CDC42BPG: variants seen among roughly 807,000 people sequenced by gnomAD.
CDC42BPG encodes serine/threonine-protein kinase MRCK gamma.
In CDC42BPG, 157 loss-of-function variants were observed where a neutral mutation model predicts 192.2. That is an observed-to-expected ratio of 0.82 (90% confidence interval 0.72 to 0.93). The LOEUF (loss-of-function observed/expected upper bound fraction) is 0.93, where lower values mean the gene tolerates loss of function less well. CDC42BPG is among the 40% of genes least tolerant of loss of function. CDC42BPG has a pLI of 0.00. For synonymous variants in CDC42BPG, 981 were observed against 918.5 expected, an observed-to-expected ratio of 1.07 and a Z score of -1.23; for missense variants, 1,992 against 2,122.1, an observed-to-expected ratio of 0.94 and a Z score of 1.20.
chr11:64,835,483 C>G lies in CDC42BPG; in HGVS notation c.1880+17G>C. 1 of 1,606,742 alleles carries G rather than the reference C, an allele frequency of 6.2e-7. No individual in the cohort carries two copies. The highest frequency in any genetic ancestry group is 8.5e-7 in the Non-Finnish European group (1 of 1,177,802). ...GGCCAGGCCCGGCCCCTCCCTGCCACCAGCTGCCTGGCTCACCTGTGGCTG... is the reference window on the plus strand; with the variant it reads ...GGCCAGGCCCGGCCCCTCCCTGCCAGCAGCTGCCTGGCTCACCTGTGGCTG... On this transcript the variant is annotated intron_variant, in intron 15 of 36. Transcript: ENST00000342711.
In CDC42BPG at chr11:64,829,828, G is replaced by C; in HGVS notation, c.3610C>G (p.Leu1204Val). The C allele has an allele frequency of 6.2e-7, 1 of 1,605,640 alleles. No individual in the cohort carries two copies. Among genetic ancestry groups the C allele is most frequent in the South Asian group, 1.1e-5 (1 of 90,462 alleles). The change falls in exon 30 of 37, where the codon CTC becomes GTC. Residue 1204 changes from leucine to valine, a missense_variant. Coordinates refer to ENST00000342711, the MANE Select transcript of CDC42BPG (RefSeq NM_017525.3). ...GGGCCCGGGCCCAGCTGGTAGCAGA[G>C]CACCTGGCGCTTGACGGCTACACAG... Reference protein sequence around the residue: ...VLCVAVKRQVLCYQLGPGPGP... With the variant: ...VLCVAVKRQVVCYQLGPGPGP...
Position 64,835,608 on chromosome 11 carries a change from G to T in CDC42BPG, c.1772C>A (p.Ala591Asp), listed in dbSNP as rs746122199. The change falls in exon 15 of 37, where the codon GCC (alanine) becomes GAC (aspartate). Residue 591 changes from alanine (A) to aspartate (D), a missense_variant. Ala to Asp is a moderately radical substitution (Grantham distance 126). Transcript: ENST00000342711. The stretch of plus-strand genomic sequence containing the variant: ...GGGTCCCATCCCGTTGGTCTCAGAG[G>T]CTGTGTGGATGGTCTTGGGGACATG... The part of the protein sequence containing the change: ...ESSQAKTIHT[A>D]SETNGMGPPE... 7.6e-6 allele frequency: 12 copies of T among 1,569,576 alleles called. No homozygotes were observed. The highest frequency in any genetic ancestry group is 1.0e-5 in the Non-Finnish European group (12 of 1,159,740).
chr11:64,841,896 A>C lies in CDC42BPG; in HGVS notation c.169T>G (p.Phe57Val). The change falls in exon 2 of 37, where the codon TTC (phenylalanine) becomes GTC (valine). Residue 57 changes from phenylalanine to valine, a missense_variant. Phe to Val is a conservative substitution (Grantham distance 50). Coordinates refer to ENST00000342711, the MANE Select transcript of CDC42BPG (RefSeq NM_017525.3). ...VAQFLSWASP[F>V]VSKVKELRLQ... is the part of the protein sequence containing the mutation. ...CGCAGTTCTTTCACCTTTGATACGAAGGGGCTGGCTGAGGGGACACAGGGC... is the reference window on the plus strand; with the variant it reads ...CGCAGTTCTTTCACCTTTGATACGACGGGGCTGGCTGAGGGGACACAGGGC... 1.2e-6 allele frequency: 2 copies of C among 1,606,162 alleles called. No homozygotes were observed. Among genetic ancestry groups the C allele is most frequent in the Non-Finnish European group, 1.7e-6 (2 of 1,176,388 alleles).
Position 64,833,640 on chromosome 11 carries a change from G to C in CDC42BPG, c.2585C>G (p.Pro862Arg). Residue 862 changes from proline to arginine, a missense_variant, in exon 23 of 37, where the codon CCC becomes CGC. Physicochemically the swap from Pro to Arg is moderately radical, Grantham distance 103 (BLOSUM62 -2). Coordinates refer to ENST00000342711, the MANE Select transcript of CDC42BPG (RefSeq NM_017525.3). ...LRMGAVFPRA[P>R]TANTASTEGL... ...TTCTGTAGAGGCTGTGTTGGCAGTG[G>C]GTGCTCTGGGGAACACAGCCTGCAG... 6.2e-7 allele frequency: 1 copy of C among 1,612,200 alleles called. No homozygotes were observed. Among genetic ancestry groups the C allele is most frequent in the Non-Finnish European group, 8.5e-7 (1 of 1,179,502 alleles).
At position 64,827,782 on chromosome 11, in the gene CDC42BPG, C is replaced by T; in HGVS notation, c.3969G>A (p.Gly1323=). The T allele has an allele frequency of 1.2e-6, 2 of 1,604,342 alleles. No individual in the cohort carries two copies. Among genetic ancestry groups the T allele is most frequent in the East Asian group, 4.5e-5 (2 of 44,814 alleles). Reference sequence around the variant, plus strand: ...ACACTGTCAGGTAGGGGGCCGCATACCCTGCGGGCACGCCAGGCACCTCTG... The same window carrying T: ...ACACTGTCAGGTAGGGGGCCGCATATCCTGCGGGCACGCCAGGCACCTCTG... ...LLWPAAPMGW[G]YAAPYLTVFS... is the part of the protein sequence containing the mutation. The change falls in exon 31 of 37, where the codon GGG becomes GGA. Residue 1323 remains glycine, a splice_region_variant and synonymous_variant. Transcript: ENST00000342711.
chr11:64,834,980 T>C lies in CDC42BPG; in HGVS notation c.2061-17A>G, dbSNP rs1322055724. The C allele has an allele frequency of 6.2e-7, 1 of 1,613,532 alleles. No individual in the cohort carries two copies. Among genetic ancestry groups the C allele is most frequent in the Non-Finnish European group, 8.5e-7 (1 of 1,179,798 alleles). ...TCATTCACCCTGAATGGGAAGGGGC[T>C]CAGGGTCATGGGCTGGGCCCTCAGT... On this transcript the variant is annotated splice_polypyrimidine_tract_variant and intron_variant, in intron 17 of 36. Coordinates refer to ENST00000342711, the MANE Select transcript of CDC42BPG (RefSeq NM_017525.3).
intron 34 of CDC42BPG, 124 bp downstream of exon 34, chr11:64,826,926 G>A: frequency 2.6e-6 from 3 of 1,173,842 alleles, no homozygotes; most frequent in East Asian, 2.4e-5. Flanking sequence ...CCAGGTAGCA[G>A]AAGTGTGAGT....
At position 64,829,573 on chromosome 11, in the gene CDC42BPG, C is replaced by T. The variant is rs1246619943; in HGVS notation, c.3865G>A (p.Glu1289Lys). ...GCAGTGGTGAAGAGTAGCAGGAACT[C>T]GCTGAGGCTAAGCTCCACGGCACCC... is the stretch of plus-strand genomic sequence containing the variant. ...ALGAVELSLS[E>K]FLLLFTTAGI... Residue 1289 changes from glutamate to lysine, a missense_variant, in exon 30 of 37, where the codon GAG becomes AAG. Transcript: ENST00000342711. The T allele has an allele frequency of 3.7e-6, 6 of 1,612,460 alleles. No homozygotes were observed. Among genetic ancestry groups the T allele is most frequent in the South Asian group, 2.2e-5 (2 of 90,990 alleles).
At chr11:64,841,451 CAA>C (rs376345283) in intron 3 of CDC42BPG, among the ~76,000 whole-genome samples, 197 bp downstream of exon 3, 10 of 94,294 alleles carry the variant, frequency 1.1e-4, no homozygotes, top group African/African-American at 1.5e-4. Context: ...GATTCCGTCT[CAA>C]AAAAAAAAAA....
At chr11:64,841,305 T>C (rs537403768) in intron 3 of CDC42BPG, among the ~76,000 whole-genome samples, 33 of 151,192 alleles carry the variant, frequency 2.2e-4, no homozygotes, top group African/African-American at 8.0e-4. Flanking sequence ...ATACAAAAAT[T>C]AGCTGGGTGT....
In CDC42BPG at chr11:64,831,518, G is replaced by T. The variant is rs372531928; in HGVS notation, c.3291C>A (p.Cys1097Ter). 3.1e-6 allele frequency: 5 copies of T among 1,609,528 alleles called. No individual in the cohort carries two copies. In the South Asian group the frequency reaches 5.5e-5, roughly 18 times the overall value. ...NGLPLLPHTL[C>*]AAILDQDRLA... ...CCACCAGCTCACCGAGGATGGCAGCGCAGAGCGTGTGAGGCAGCAGCGGCA... is the reference window on the plus strand; with the variant it reads ...CCACCAGCTCACCGAGGATGGCAGCTCAGAGCGTGTGAGGCAGCAGCGGCA... Residue 1097 changes from cysteine to a stop codon, truncating the protein, a stop_gained, in exon 28 of 37, where the codon TGC becomes TGA. Transcript: ENST00000342711. LOFTEE classifies it high-confidence loss of function.
rs907663329 is a variant in CDC42BPG at position 64,836,101 on chromosome 11, C to A, written c.1668+16G>T. On this transcript the variant is annotated intron_variant, in intron 13 of 36. Coordinates refer to ENST00000342711, the MANE Select transcript of CDC42BPG (RefSeq NM_017525.3). Reference sequence around the variant, plus strand: ...GCAGGGCCCAGGTGCTGTCCCTACCCACCCTGGTCACTCACCTCCCTCTGG... The same window carrying A: ...GCAGGGCCCAGGTGCTGTCCCTACCAACCCTGGTCACTCACCTCCCTCTGG... 3 of 1,589,136 alleles carry A rather than the reference C, an allele frequency of 1.9e-6. No homozygotes were observed. Among genetic ancestry groups the A allele is most frequent in the African/African-American group, 2.7e-5 (2 of 74,266 alleles).
Position 64,836,510 on chromosome 11 carries a change from A to G in CDC42BPG, c.1405T>C (p.Ser469Pro), listed in dbSNP as rs1942997967. The G allele has an allele frequency of 2.5e-6, 4 of 1,613,180 alleles. No homozygotes were observed. The highest frequency in any genetic ancestry group is 3.4e-6 in the Non-Finnish European group (4 of 1,179,816). ...GGGGGCCCATCCGTCTGGGACAATG[A>G]GGCCTTGTCCCTCAGCATCTCTGCC... ...RLPEMLRDKA[S>P]LSQTDGPPAG... The change falls in exon 12 of 37, where the codon TCA becomes CCA. Residue 469 changes from serine to proline, a missense_variant. By Grantham distance (74) the Ser-to-Pro change is moderately conservative. Transcript: ENST00000342711.
rs200225233 is a variant in CDC42BPG at position 64,835,447 on chromosome 11, C to T, written c.1881-28G>A. The T allele has an allele frequency of 3.9e-4, 636 of 1,612,696 alleles. 4 individuals are homozygous for T. In the Admixed American group the frequency reaches 9.0e-3, roughly 23 times the overall value. On this transcript the variant is annotated intron_variant, in intron 15 of 36. Coordinates refer to ENST00000342711, the MANE Select transcript of CDC42BPG (RefSeq NM_017525.3). ...GGGGAGGAGAAGGCCAAGGCCGTGA[C>T]TCACCGCCCAGGCCAGGCCCGGCCC... is the stretch of plus-strand genomic sequence containing the variant.
At chr11:64,831,454 A>G (rs1942681784) in intron 28 of CDC42BPG, 51 bp downstream of exon 28, 2 of 1,523,624 alleles carry the variant, frequency 1.3e-6, no homozygotes, top group Non-Finnish European at 1.8e-6. Context: ...CCTAGACACC[A>G]GCACTCCCGC....
rs369700316 is a variant in CDC42BPG, at chr11:64,826,450, A to T, written c.4599+20T>A. ...CTGACGTTTGAATAGGGGACGGACA[A>T]GCCTCCCGGACCCGCTCACCTGCAT... On this transcript the variant is annotated intron_variant, in intron 36 of 36. Transcript: ENST00000342711. 2.1e-5 allele frequency: 32 copies of T among 1,559,716 alleles called. No homozygotes were observed. The highest frequency in any genetic ancestry group is 4.7e-5 in the South Asian group (4 of 85,730).
Position 64,834,444 on chromosome 11 carries a change from TG to T in CDC42BPG, c.2308del (p.Gln770SerfsTer43). 6.4e-7 allele frequency: 1 copy of T among 1,567,712 alleles called. No individual in the cohort carries two copies. Among genetic ancestry groups the T allele is most frequent in the Non-Finnish European group, 8.6e-7 (1 of 1,157,502 alleles). ...CTAGCCTCACCGCTCAGCCTGCAGC[TG>T]GGCCTCCTGCACCTGTGTCAGCCGC... ...QERLTQVQEA[Q>X]LQAERRLQEA... is the part of the protein sequence containing the mutation. On this transcript the variant is annotated frameshift_variant, in exon 19 of 37. Transcript: ENST00000342711. LOFTEE classifies it high-confidence loss of function.
At chr11:64,826,957 A>C in intron 34 of CDC42BPG, 93 bp downstream of exon 34, 1 of 1,168,802 alleles carries the variant, frequency 8.6e-7, no homozygotes, top group Non-Finnish European at 1.2e-6. Flanking sequence ...AGGAGTAATT[A>C]CAGCGGCCCG....
In CDC42BPG at chr11:64,836,719, G is replaced by GGGGGT; in HGVS notation, c.1384+19_1384+20insACCCC. 3 of 842,256 alleles carry GGGGGT rather than the reference G, an allele frequency of 3.6e-6. No individual in the cohort carries two copies. The highest frequency in any genetic ancestry group is 1.7e-5 in the South Asian group (1 of 57,652). The allele number at this position is 842,256 out of a possible 1,614,324, so 52.2% of individuals were successfully genotyped here. ...GGGACTCAGCCCTGGGGGGGGGGGGGGGGTGGGCGGAAGGGATACCTGGCA... is the reference window on the plus strand; with the variant it reads ...GGGACTCAGCCCTGGGGGGGGGGGGGGGGGTGGGTGGGCGGAAGGGATACCTGGCA... On this transcript the variant is annotated intron_variant, in intron 11 of 36. Coordinates refer to ENST00000342711, the MANE Select transcript of CDC42BPG (RefSeq NM_017525.3).
Sources: gnomAD v4.1 joint callset for allele counts (sites outside exome capture counted in the v4.1 genomes callset) on GRCh38, gnomAD v4.1.1 for gene constraint, MANE v1.5 for transcripts, NCBI Gene and HGNC (gene_info 2026-07-23, HGNC 2026-07-21) for gene names.